The following FAM168B variants were observed in gnomAD, a reference collection of about 807,000 sequenced individuals.
The protein encoded by FAM168B is family with sequence similarity 168 member B.
FAM168B carries 19 observed loss-of-function variants against 21.8 expected under a neutral mutation model. The observed-to-expected ratio is 0.87, with a 90% CI of 0.61 to 1.28. The LOEUF is 1.28. Among genes scored for constraint, FAM168B ranks in the 50% most tolerant of loss-of-function variants. FAM168B has a pLI of 0.00. For missense variants in FAM168B, 233 were observed against 263.1 expected (o/e 0.89, Z 0.79); for synonymous variants, 126 against 104.8 (o/e 1.20, Z -1.24).
chr2:131,090,336 AAAAG>A (rs1379114015), intron 1 of FAM168B, among the ~76,000 whole-genome samples: 13 of 151,106 alleles, frequency 8.6e-5, no homozygotes, highest in African/African-American at 1.7e-4. Context: ...AAAAAAAAAA[AAAAG>A]AAAGAAAGAC....
intron 1 of FAM168B, 64 bp from the exon 2 acceptor site, chr2:131,082,721 T>C: frequency 9.5e-7 from 1 of 1,050,584 alleles, no homozygotes; most frequent in Non-Finnish European, 1.4e-6. Context: ...CCAGTACCAG[T>C]CCCCAAAAAG....
intron 3 of FAM168B, among the ~76,000 whole-genome samples, chr2:131,069,444 A>G (rs1692744188): frequency 6.6e-6 from 1 of 152,228 alleles, no homozygotes; most frequent in Non-Finnish European, 1.5e-5. Context: ...AACTTCTACA[A>G]GAAAAAAGAA....
At chr2:131,090,916 G>C (rs1286019328) in intron 1 of FAM168B, among the ~76,000 whole-genome samples, 1 of 152,154 alleles carries the variant, frequency 6.6e-6, no homozygotes, top group Non-Finnish European at 1.5e-5. Flanking sequence ...ATTTTTAGTA[G>C]AGATGGGGTT....
rs1415522979 is a variant in FAM168B, at chr2:131,048,905, G to A, written c.*3560C>T. On this transcript the variant is annotated 3_prime_UTR_variant, in exon 7 of 7. Coordinates refer to ENST00000389915, the MANE Select transcript of FAM168B (RefSeq NM_001009993.4). ...CTGTCCGGGCAACAGCCAAACTGGC[G>A]ACAATGGACACATCCAACAGTCAGC... The A allele has an allele frequency of 3.1e-5, 31 of 985,850 alleles. No individual in the cohort carries two copies. Among genetic ancestry groups the A allele is most frequent in the Non-Finnish European group, 3.4e-5 (28 of 830,084 alleles). The allele number at this position is 985,850 out of a possible 1,614,324, so 61.1% of individuals were successfully genotyped here. A position where few individuals can be genotyped will look rare whatever the true frequency, so the allele number is the denominator to read the frequency against.
chr2:131,093,118 G>A (rs1226594646), intron 1 of FAM168B, 96 bp downstream of exon 1: 3 of 150,594 alleles, frequency 2.0e-5, no homozygotes, highest in Admixed American at 2.0e-4. Flanking sequence ...GCGACCCCGA[G>A]CCGCGGGCCG....
chr2:131,091,816 C>T (rs915719146), intron 1 of FAM168B, among the ~76,000 whole-genome samples: 5 of 151,674 alleles, frequency 3.3e-5, no homozygotes, highest in Non-Finnish European at 5.9e-5. Flanking sequence ...TACTCTATTA[C>T]GCTGGTGTAC....
At chr2:131,069,995 A>G (rs529263783) in intron 3 of FAM168B, among the ~76,000 whole-genome samples, 5 of 151,252 alleles carry the variant, frequency 3.3e-5, no homozygotes, top group Admixed American at 2.0e-4. Context: ...AGTAGCCGGG[A>G]TTACCGGAGT....
rs114206675 is a variant in FAM168B, at chr2:131,057,817, G to A, written c.155-2122C>T. Among the ~76,000 whole-genome samples the A allele has an allele frequency of 5.6e-3, 858 of 152,132 alleles. 5 individuals carry two copies. The highest frequency in any genetic ancestry group is 0.019 in the African/African-American group (784 of 41,500). On this transcript the variant is annotated intron_variant, in intron 3 of 6. Transcript: ENST00000389915. ...CAACTGGGCTGTTAGCAATATGTAC[G>A]TGTGTGTATTTTTTTTTTATTTTTA... is the stretch of plus-strand genomic sequence containing the variant.
At chr2:131,060,154 T>C (rs1039992264) in intron 3 of FAM168B, among the ~76,000 whole-genome samples, 9 of 152,116 alleles carry the variant, frequency 5.9e-5, no homozygotes, top group African/African-American at 1.7e-4. Flanking sequence ...GCCTCTCAAG[T>C]AGCTGGGACT....
In FAM168B at chr2:131,052,370, G is replaced by C; in HGVS notation, c.*95C>G. 2.0e-6 allele frequency: 2 copies of C among 986,552 alleles called. No individual in the cohort carries two copies. The highest frequency in any genetic ancestry group is 2.4e-6 in the Non-Finnish European group (2 of 830,378). The allele number at this position is 986,552 out of a possible 1,614,324, so 61.1% of individuals were successfully genotyped here. ...AGCTAAGTGTCGAGAGCATTAAGAA[G>C]AAAGTCCTGGTTGGAGGCGCAAGGC... is the stretch of plus-strand genomic sequence containing the variant. On this transcript the variant is annotated 3_prime_UTR_variant, in exon 7 of 7. Coordinates refer to ENST00000389915, the MANE Select transcript of FAM168B (RefSeq NM_001009993.4).
rs568951203 is a variant in FAM168B at position 131,063,310 on chromosome 2, T to G, written c.155-7615A>C. Among the ~76,000 whole-genome samples, 3 of 152,356 alleles carry G rather than the reference T, an allele frequency of 2.0e-5. No homozygotes were observed. In the South Asian group the frequency reaches 6.2e-4, roughly 32 times the overall value. ...CACCAACGATTTCTAATCACAACAATGGTTTTTAATATATATTATCTTACT... is the reference window on the plus strand; with the variant it reads ...CACCAACGATTTCTAATCACAACAAGGGTTTTTAATATATATTATCTTACT... On this transcript the variant is annotated intron_variant, in intron 3 of 6. Transcript: ENST00000389915.
At chr2:131,055,491 C>T in intron 4 of FAM168B, 42 bp from the exon 5 acceptor site, 1 of 1,601,944 alleles carries the variant, frequency 6.2e-7, no homozygotes, top group Non-Finnish European at 8.5e-7. Context: ...GTCCCAGGGC[C>T]AAAGGATGAA....
rs1691486406 is a variant in FAM168B at position 131,049,109 on chromosome 2, G to A, written c.*3356C>T. ...CTCACAGGTGCCTTACATACCTTAC[G>A]GGGGCCAACACTGACAGGTATTAGT... On this transcript the variant is annotated 3_prime_UTR_variant, in exon 7 of 7. Coordinates refer to ENST00000389915, the MANE Select transcript of FAM168B (RefSeq NM_001009993.4). 9 of 985,236 alleles carry A rather than the reference G, an allele frequency of 9.1e-6. No homozygotes were observed. Among genetic ancestry groups the A allele is most frequent in the South Asian group, 4.7e-5 (1 of 21,280 alleles). 61.0% of individuals were successfully genotyped at this position (985,236 alleles called of 1,614,324 possible). A position where few individuals can be genotyped will look rare whatever the true frequency, so the allele number is the denominator to read the frequency against.
chr2:131,064,341 G>A (rs1447994784), intron 3 of FAM168B, among the ~76,000 whole-genome samples: 2 of 152,006 alleles, frequency 1.3e-5, no homozygotes, highest in Non-Finnish European at 2.9e-5. Context: ...GAAGCCTGAA[G>A]TACATGTGAG....
chr2:131,071,824 C>A (rs774074204), intron 3 of FAM168B, 31 bp downstream of exon 3: 9 of 1,580,244 alleles, frequency 5.7e-6, no homozygotes, highest in Non-Finnish European at 7.0e-6. Context: ...CCCAGCTGTA[C>A]GTACAAAGCA....
intron 2 of FAM168B, among the ~76,000 whole-genome samples, chr2:131,075,440 A>T (rs1693095815): frequency 6.6e-6 from 1 of 152,038 alleles, no homozygotes; most frequent in Admixed American, 6.6e-5. Context: ...GATTGTGTTT[A>T]ACGGTCCCTG....
At chr2:131,077,871 G>GT (rs1261569684) in intron 2 of FAM168B, among the ~76,000 whole-genome samples, 2 of 152,190 alleles carry the variant, frequency 1.3e-5, no homozygotes, top group African/African-American at 4.8e-5. Context: ...CTCCCCTGGT[G>GT]TAAGAGACAA....
Position 131,050,688 on chromosome 2 carries a change from A to T in FAM168B, c.*1777T>A. The T allele has an allele frequency of 1.0e-6, 1 of 985,440 alleles. No individual in the cohort carries two copies. Among genetic ancestry groups the T allele is most frequent in the Non-Finnish European group, 1.2e-6 (1 of 829,928 alleles). 61.0% of individuals were successfully genotyped at this position (985,440 alleles called of 1,614,324 possible). A position where few individuals can be genotyped will look rare whatever the true frequency, so the allele number is the denominator to read the frequency against. ...ATTATAAGAAGTACTTACTATAAAA[A>T]ATAAGGTTACCAAAGGCTCAGTGGT... On this transcript the variant is annotated 3_prime_UTR_variant, in exon 7 of 7. Coordinates refer to ENST00000389915, the MANE Select transcript of FAM168B (RefSeq NM_001009993.4).
intron 3 of FAM168B, among the ~76,000 whole-genome samples, chr2:131,063,482 T>C (rs1034286514): frequency 6.6e-6 from 1 of 152,218 alleles, no homozygotes; most frequent in African/African-American, 2.4e-5. Context: ...CCTATCAATT[T>C]AAGACTTAGT....
Sources: gnomAD v4.1 joint callset for allele counts (sites outside exome capture counted in the v4.1 genomes callset) on GRCh38, gnomAD v4.1.1 for gene constraint, MANE v1.5 for transcripts, NCBI Gene and HGNC (gene_info 2026-07-23, HGNC 2026-07-21) for gene names.